The following NCOA1 variants were observed in gnomAD, a reference collection of about 807,000 sequenced individuals.
NCOA1 encodes nuclear receptor coactivator 1, also known as Hin-2 protein.
Under a neutral mutation model 150.9 loss-of-function variants are expected in NCOA1, and 35 were observed. The observed-to-expected ratio is 0.23, with a 90% CI of 0.18 to 0.31. NCOA1 has a LOEUF of 0.31. Ranked by LOEUF, NCOA1 falls within the 10% of genes least tolerant of loss-of-function variation. The pLI is 1.00. For synonymous variants in NCOA1, 590 were observed against 630.0 expected, an observed-to-expected ratio of 0.94 and a Z score of 0.95; for missense variants, 1,491 against 1,749.3, an observed-to-expected ratio of 0.85 and a Z score of 2.63.
intron 3 of NCOA1, among the ~76,000 whole-genome samples, chr2:24,634,616 G>T (rs571077179): frequency 6.6e-6 from 1 of 151,370 alleles, no homozygotes; most frequent in Non-Finnish European, 1.5e-5. Context: ...ACTAGGAATT[G>T]GAAGCTTCAG....
chr2:24,565,497 A>G (rs1310861049), intron 2 of NCOA1, among the ~76,000 whole-genome samples: 1 of 152,232 alleles, frequency 6.6e-6, no homozygotes, highest in Non-Finnish European at 1.5e-5. Flanking sequence ...TCTGTTTTAG[A>G]AGAAGACTAT....
Position 24,705,315 on chromosome 2 carries a change from G to A in NCOA1, c.1097+82G>A, listed in dbSNP as rs139649442. On this transcript the variant is annotated intron_variant, in intron 12 of 22. Coordinates refer to ENST00000348332, the MANE Select transcript of NCOA1 (RefSeq NM_003743.5). ...AGAGAAATTTTTTATACTCTTGATG[G>A]CTAGAAAGCAGAAATTCTAAATTAG... 6.2e-5 allele frequency: 87 copies of A among 1,404,822 alleles called. No individual in the cohort carries two copies. In the Middle Eastern group the frequency reaches 1.1e-3, roughly 18 times the overall value. The allele number at this position is 1,404,822 out of a possible 1,614,324, so 87.0% of individuals were successfully genotyped here.
Position 24,758,153 on chromosome 2 carries a change from G to A in NCOA1, c.4062G>A (p.Glu1354=). Residue 1354 remains glutamate, a synonymous_variant, in exon 21 of 23, where the codon GAG becomes GAA. Coordinates refer to ENST00000348332, the MANE Select transcript of NCOA1 (RefSeq NM_003743.5). ...QMPGMNTVCP[E]QINDPALRHT... is the part of the protein sequence containing the mutation. ...CAGGAATGAACACTGTGTGCCCTGA[G>A]CAGGTAAGTGGCACACTCGCCACAC... The A allele has an allele frequency of 6.2e-7, 1 of 1,609,228 alleles. No individual in the cohort carries two copies. The highest frequency in any genetic ancestry group is 8.5e-7 in the Non-Finnish European group (1 of 1,176,272).
chr2:24,741,680 A>C (rs1031685387), intron 18 of NCOA1, 104 bp from the exon 19 acceptor site: 3 of 1,232,296 alleles, frequency 2.4e-6, no homozygotes, highest in Non-Finnish European at 3.3e-6. Flanking sequence ...GATAATTGCT[A>C]TGTACTTTAT....
At chr2:24,674,498 G>A (rs186431583) in intron 7 of NCOA1, among the ~76,000 whole-genome samples, 109 of 152,176 alleles carry the variant, frequency 7.2e-4, no homozygotes, top group African/African-American at 2.4e-3. Context: ...GAGCCACTGC[G>A]CCCGGCCTAT....
chr2:24,640,532 G>A (rs1670166126), intron 3 of NCOA1, among the ~76,000 whole-genome samples: 1 of 152,068 alleles, frequency 6.6e-6, no homozygotes, highest in African/African-American at 2.4e-5. Context: ...TTCTGGCCGG[G>A]CATGGTGGCT....
At chr2:24,712,116 G>C (rs190276793) in intron 14 of NCOA1, among the ~76,000 whole-genome samples, 1 of 152,328 alleles carries the variant, frequency 6.6e-6, no homozygotes, top group African/African-American at 2.4e-5. Context: ...AGAGTCAGAA[G>C]CCTAGATTCA....
intron 1 of NCOA1, among the ~76,000 whole-genome samples, chr2:24,523,740 A>T (rs922273713): frequency 2.7e-5 from 4 of 150,478 alleles, no homozygotes; most frequent in African/African-American, 9.7e-5. Flanking sequence ...ATCCTGGCCA[A>T]CATGGTCAAA....
At chr2:24,513,629 C>T (rs955908176) in intron 1 of NCOA1, among the ~76,000 whole-genome samples, 3 of 152,060 alleles carry the variant, frequency 2.0e-5, no homozygotes, top group African/African-American at 7.2e-5. Context: ...TATGTGCTTG[C>T]GTATAGGATT....
intron 7 of NCOA1, among the ~76,000 whole-genome samples, chr2:24,674,210 CTT>C (rs1157358626): frequency 1.4e-5 from 2 of 138,474 alleles, no homozygotes; most frequent in Non-Finnish European, 1.6e-5. Flanking sequence ...TTGGGTACCC[CTT>C]TTTTTTTTTT....
intron 1 of NCOA1, among the ~76,000 whole-genome samples, chr2:24,525,996 T>C (rs1325655521): frequency 6.6e-6 from 1 of 152,206 alleles, no homozygotes; most frequent in Non-Finnish European, 1.5e-5. Flanking sequence ...ACTGCTTTGA[T>C]GTCTGTATTT....
intron 3 of NCOA1, among the ~76,000 whole-genome samples, chr2:24,640,211 T>G (rs1670145751): frequency 6.6e-6 from 1 of 151,706 alleles, no homozygotes; most frequent in Non-Finnish European, 1.5e-5. Flanking sequence ...TTTAGAAACG[T>G]GTTATATAAA....
At chr2:24,581,819 A>G (rs1667206072) in intron 2 of NCOA1, among the ~76,000 whole-genome samples, 1 of 152,208 alleles carries the variant, frequency 6.6e-6, no homozygotes, top group African/African-American at 2.4e-5. Context: ...AAATCAATAA[A>G]AGTGATTCAT....
intron 2 of NCOA1, among the ~76,000 whole-genome samples, chr2:24,580,707 G>A (rs1667159935): frequency 2.6e-5 from 4 of 151,994 alleles, no homozygotes; most frequent in Admixed American, 2.6e-4. Flanking sequence ...GTCTGTAATG[G>A]CTCCTTGAGT....
chr2:24,549,915 A>G (rs983016325), intron 1 of NCOA1, among the ~76,000 whole-genome samples: 2 of 152,032 alleles, frequency 1.3e-5, no homozygotes, highest in Non-Finnish European at 2.9e-5. Context: ...CACCCAAGTC[A>G]CCTCTTGAAT....
chr2:24,553,134 A>G (rs1187841881), intron 1 of NCOA1, among the ~76,000 whole-genome samples: 1 of 152,124 alleles, frequency 6.6e-6, no homozygotes, highest in African/African-American at 2.4e-5. Flanking sequence ...TAGATTTGTT[A>G]TAGATACGTA....
At chr2:24,575,147 C>T (rs1666903018) in intron 2 of NCOA1, among the ~76,000 whole-genome samples, 1 of 152,012 alleles carries the variant, frequency 6.6e-6, no homozygotes, top group African/African-American at 2.4e-5. Context: ...TGTGTTGCTG[C>T]AAATCAGTGG....
intron 20 of NCOA1, among the ~76,000 whole-genome samples, chr2:24,753,900 T>G (rs1443221803): frequency 6.6e-6 from 1 of 152,214 alleles, no homozygotes; most frequent in Non-Finnish European, 1.5e-5. Flanking sequence ...AACCAATATC[T>G]CCACTTATAA....
intron 14 of NCOA1, among the ~76,000 whole-genome samples, chr2:24,726,174 C>G (rs1674610815): frequency 6.6e-6 from 1 of 152,056 alleles, no homozygotes; most frequent in African/African-American, 2.4e-5. Context: ...TCTGTTCCTG[C>G]CTCTGATAGA....
Sources: allele counts gnomAD v4.1 joint callset (sites outside exome capture counted in the v4.1 genomes callset), GRCh38; gene constraint gnomAD v4.1.1; transcripts MANE v1.5; gene names NCBI Gene and HGNC (gene_info 2026-07-23, HGNC 2026-07-21).